HIVEP3: variants seen among roughly 807,000 people sequenced by gnomAD.
HIVEP3 encodes transcription factor HIVEP3.
HIVEP3 carries 49 observed loss-of-function variants against 152.8 expected under a neutral mutation model. The observed-to-expected ratio is 0.32, with a 90% confidence interval of 0.26 to 0.41. The LOEUF (loss-of-function observed/expected upper bound fraction) is 0.41, where lower values mean the gene tolerates loss of function less well. Among genes scored for constraint, HIVEP3 ranks in the 10% least tolerant of loss-of-function variants. HIVEP3 has a pLI of 1.00. For synonymous variants in HIVEP3, 1,269 were observed against 1,289.0 expected, an observed-to-expected ratio of 0.98 and a Z score of 0.33; for missense variants, 2,790 against 3,103.3, an observed-to-expected ratio of 0.90 and a Z score of 2.40.
intron 1 of HIVEP3, among the ~76,000 whole-genome samples, chr1:41,867,319 ATCT>A (rs996535244): frequency 1.3e-5 from 2 of 152,232 alleles, no homozygotes; most frequent in Admixed American, 6.5e-5. Flanking sequence ...GTTATGGACC[ATCT>A]TCTTTGATGT....
chr1:41,521,769 C>T (rs1642765119), intron 6 of HIVEP3, among the ~76,000 whole-genome samples: 1 of 152,278 alleles, frequency 6.6e-6, no homozygotes, highest in Non-Finnish European at 1.5e-5. Context: ...ACCCTGCCTG[C>T]CTCATTTGGC....
In HIVEP3 at chr1:41,707,349, T is replaced by C. The variant is rs182768297; in HGVS notation, c.-800-6354A>G. On this transcript the variant is annotated intron_variant, in intron 1 of 8. Transcript: ENST00000372583. ...GAAACCAGAACTACCACGAGGGCAA[T>C]GACAAGATTTCGTTGTGAAAATTAA... Among the ~76,000 whole-genome samples, 23 of 152,322 alleles carry C rather than the reference T, an allele frequency of 1.5e-4. No individual in the cohort carries two copies. The East Asian group carries it at 4.0e-3, about 27-fold the overall frequency.
intron 3 of HIVEP3, among the ~76,000 whole-genome samples, chr1:41,597,459 G>A: frequency 6.6e-6 from 1 of 152,196 alleles, no homozygotes; most frequent in Non-Finnish European, 1.5e-5. Context: ...CTCTGACTAT[G>A]TGCCAGGGCT....
chr1:41,880,735 T>A (rs952221988), intron 1 of HIVEP3, among the ~76,000 whole-genome samples: 7 of 151,826 alleles, frequency 4.6e-5, no homozygotes, highest in African/African-American at 1.7e-4. Flanking sequence ...GACAGAGGAG[T>A]CTGACCTCTG....
At chr1:41,686,440 A>T (rs892629929) in intron 2 of HIVEP3, among the ~76,000 whole-genome samples, 8 of 152,212 alleles carry the variant, frequency 5.3e-5, no homozygotes, top group Non-Finnish European at 8.8e-5. Context: ...ATCGATGTTC[A>T]AGATACACAA....
At chr1:41,578,544 G>A (rs1210911357) in intron 4 of HIVEP3, among the ~76,000 whole-genome samples, 2 of 152,224 alleles carry the variant, frequency 1.3e-5, no homozygotes, top group Non-Finnish European at 1.5e-5. Context: ...ACACAGTTGT[G>A]CTCACTTATC....
intron 5 of HIVEP3, among the ~76,000 whole-genome samples, chr1:41,563,483 C>A (rs1240119904): frequency 3.3e-5 from 5 of 152,102 alleles, no homozygotes; most frequent in African/African-American, 1.2e-4. Context: ...ACATGGGAAG[C>A]AGACCCTTTA....
chr1:41,538,792 A>AGC (rs59800234), intron 5 of HIVEP3, among the ~76,000 whole-genome samples: 2 of 151,690 alleles, frequency 1.3e-5, no homozygotes, highest in African/African-American at 4.8e-5. Flanking sequence ...GCAGGCAGGA[A>AGC]TGGGTTGAAA....
At chr1:41,939,460 GA>G (rs1645035338) in intron 1 of HIVEP3, among the ~76,000 whole-genome samples, 1 of 152,190 alleles carries the variant, frequency 6.6e-6, no homozygotes, top group Non-Finnish European at 1.5e-5. Context: ...GAGGAAAGAA[GA>G]AAGTGCTTAG....
chr1:41,863,024 T>C (rs1314740283), intron 1 of HIVEP3, among the ~76,000 whole-genome samples: 6 of 152,156 alleles, frequency 3.9e-5, no homozygotes, highest in Non-Finnish European at 5.9e-5. Flanking sequence ...TTGAACAGTC[T>C]CAAATGCACA....
At chr1:41,786,070 G>C (rs1035646196) in intron 1 of HIVEP3, among the ~76,000 whole-genome samples, 3 of 152,198 alleles carry the variant, frequency 2.0e-5, no homozygotes, top group Non-Finnish European at 4.4e-5. Context: ...AAAAAAGACA[G>C]CATGCGAGAG....
intron 1 of HIVEP3, among the ~76,000 whole-genome samples, chr1:41,749,907 A>C (rs1490714992): frequency 6.6e-6 from 1 of 152,208 alleles, no homozygotes; most frequent in Non-Finnish European, 1.5e-5. Flanking sequence ...AATCTGCATG[A>C]AATGTTACAT....
chr1:41,537,397 G>A (rs915540749), intron 5 of HIVEP3, among the ~76,000 whole-genome samples: 3 of 152,130 alleles, frequency 2.0e-5, no homozygotes, highest in South Asian at 2.1e-4. Flanking sequence ...AAGATGTGAC[G>A]AGCAATGCAC....
intron 1 of HIVEP3, among the ~76,000 whole-genome samples, chr1:41,907,802 G>A (rs916333218): frequency 6.6e-6 from 1 of 152,196 alleles, no homozygotes. Context: ...AAGTCCCTTG[G>A]CCAAGAGGCA....
intron 1 of HIVEP3, among the ~76,000 whole-genome samples, chr1:41,829,756 T>G (rs926098373): frequency 6.6e-6 from 1 of 151,978 alleles, no homozygotes; most frequent in East Asian, 1.9e-4. Context: ...ATTTTAGACT[T>G]GTTAGCCTTT....
At chr1:41,596,162 A>G (rs1006046548) in intron 3 of HIVEP3, among the ~76,000 whole-genome samples, 18 of 152,118 alleles carry the variant, frequency 1.2e-4, no homozygotes, top group Non-Finnish European at 2.6e-4. Flanking sequence ...GACGAGATAA[A>G]GTCCCAAACT....
At chr1:41,766,409 G>C (rs2083468) in intron 1 of HIVEP3, among the ~76,000 whole-genome samples, 68,432 of 151,788 alleles carry the variant, frequency 0.45, 18,619 homozygotes, top group Non-Finnish European at 0.63. Flanking sequence ...AGATTTAAAA[G>C]CTTTGGGCAG....
Position 41,582,046 on chromosome 1 carries a change from C to T in HIVEP3, c.2752G>A (p.Gly918Arg). 1.2e-6 allele frequency: 2 copies of T among 1,614,162 alleles called. No individual in the cohort carries two copies. Among genetic ancestry groups the T allele is most frequent in the South Asian group, 1.1e-5 (1 of 91,066 alleles). Residue 918 changes from glycine (G) to arginine (R), a missense_variant, in exon 4 of 9, where the codon GGG becomes AGG. By Grantham distance (125) the Gly-to-Arg change is moderately radical. Coordinates refer to ENST00000372583, the MANE Select transcript of HIVEP3 (RefSeq NM_024503.5). This position sits in a 1 kb window ranked among gnomAD's most constrained non-coding sequence, Gnocchi z 4.7. Reference protein sequence around the residue: ...LRLAEMAQSSGESSFESSVPL... With the variant: ...LRLAEMAQSSRESSFESSVPL... ...ACAGAGGACTCGAAGCTGGACTCCC[C>T]TGATGATTGGGCCATCTCTGCCAGG... is the stretch of plus-strand genomic sequence containing the variant.
chr1:41,510,395 T>C lies in HIVEP3; in HGVS notation c.*56A>G. 8.1e-6 allele frequency: 11 copies of C among 1,364,304 alleles called. No homozygotes were observed. Among genetic ancestry groups the C allele is most frequent in the South Asian group, 1.9e-5 (1 of 53,488 alleles). 84.5% of individuals were successfully genotyped at this position (1,364,304 alleles called of 1,614,324 possible). ...AGTGGGATGATTCGAGGAAAGTGGC[T>C]GGAAACGTCTGTTGCTGGACACTGG... On this transcript the variant is annotated 3_prime_UTR_variant, in exon 9 of 9. Transcript: ENST00000372583.
Sources: allele counts gnomAD v4.1 joint callset (sites outside exome capture counted in the v4.1 genomes callset), GRCh38; gene constraint gnomAD v4.1.1; non-coding constraint Gnocchi (gnomAD v3.1); transcripts MANE v1.5; gene names NCBI Gene and HGNC (gene_info 2026-07-23, HGNC 2026-07-21).